The following PLA2G4A variants were observed in gnomAD, a reference collection of about 807,000 sequenced individuals.
PLA2G4A encodes the protein cytosolic phospholipase A2.
PLA2G4A carries 40 observed loss-of-function variants against 81.9 expected under a neutral mutation model. The observed-to-expected ratio is 0.49, with a 90% CI of 0.38 to 0.64. PLA2G4A has a LOEUF of 0.64. Among genes scored for constraint, PLA2G4A ranks in the 30% least tolerant of loss-of-function variants. The pLI, the probability that PLA2G4A is intolerant of heterozygous loss-of-function variation, is 0.00. For synonymous variants in PLA2G4A, 302 were observed against 296.9 expected, an observed-to-expected ratio of 1.02 and a Z score of -0.18; for missense variants, 715 against 905.1, an observed-to-expected ratio of 0.79 and a Z score of 2.69.
intron 7 of PLA2G4A, among the ~76,000 whole-genome samples, chr1:186,930,059 C>A (rs773845914): frequency 7.2e-5 from 11 of 152,052 alleles, no homozygotes; most frequent in Non-Finnish European, 1.6e-4. Context: ...GTGACAGAGA[C>A]TCCAGCTTGG....
chr1:186,973,725 C>A (rs1292216207), intron 15 of PLA2G4A, among the ~76,000 whole-genome samples: 1 of 152,120 alleles, frequency 6.6e-6, no homozygotes, highest in Non-Finnish European at 1.5e-5. Context: ...TATTTTCATG[C>A]CTATTGCATT....
intron 8 of PLA2G4A, among the ~76,000 whole-genome samples, chr1:186,933,844 G>C (rs1041054733): frequency 1.3e-5 from 2 of 152,006 alleles, no homozygotes; most frequent in African/African-American, 2.4e-5. Flanking sequence ...ATAAACTCAG[G>C]CTTTTGATCT....
At chr1:186,922,520 G>A (rs1655389043) in intron 7 of PLA2G4A, among the ~76,000 whole-genome samples, 1 of 152,142 alleles carries the variant, frequency 6.6e-6, no homozygotes, top group African/African-American at 2.4e-5. Flanking sequence ...ATTCCACTGG[G>A]GCAGTTGCCT....
intron 3 of PLA2G4A, among the ~76,000 whole-genome samples, chr1:186,886,647 G>A (rs1383230844): frequency 6.6e-6 from 1 of 152,172 alleles, no homozygotes; most frequent in African/African-American, 2.4e-5. Context: ...AACATTTGAA[G>A]AGCAGTCCAT....
chr1:186,864,145 G>T (rs143780986), intron 2 of PLA2G4A, among the ~76,000 whole-genome samples: 40 of 152,154 alleles, frequency 2.6e-4, no homozygotes, highest in African/African-American at 9.6e-4. Flanking sequence ...TCTTTCTTAT[G>T]GTTGAATAGT....
At chr1:186,931,388 AG>A (rs1318269376) in intron 7 of PLA2G4A, among the ~76,000 whole-genome samples, 1 of 152,106 alleles carries the variant, frequency 6.6e-6, no homozygotes, top group Non-Finnish European at 1.5e-5. Context: ...TTTTGATTTA[AG>A]ACCACTTGTT....
rs138560461 is a variant in PLA2G4A, at chr1:186,890,033, A to T, written c.116-2978A>T. Among the ~76,000 whole-genome samples the T allele has an allele frequency of 7.9e-4, 121 of 152,334 alleles. 4 individuals are homozygous for T. In the East Asian group the frequency reaches 0.019, roughly 25 times the overall value. ...CAGTTCCTGTTACTTTAACACTAAA[A>T]TAAAGTACTTACATTATAGCGCGAT... is the stretch of plus-strand genomic sequence containing the variant. On this transcript the variant is annotated intron_variant, in intron 3 of 17. Coordinates refer to ENST00000367466, the MANE Select transcript of PLA2G4A (RefSeq NM_024420.3).
At chr1:186,830,608 C>CAAAAAA (rs55745208) in intron 1 of PLA2G4A, among the ~76,000 whole-genome samples, 33 of 72,666 alleles carry the variant, frequency 4.5e-4, no homozygotes, top group African/African-American at 1.5e-3. Context: ...AGCTCTGTCT[C>CAAAAAA]AAAAAAAAAA....
At chr1:186,905,329 A>T (rs1569480) in intron 5 of PLA2G4A, among the ~76,000 whole-genome samples, 1 of 151,794 alleles carries the variant, frequency 6.6e-6, no homozygotes, top group African/African-American at 2.4e-5. Context: ...ATCCACTCAC[A>T]ATGGCTTTAC....
intron 7 of PLA2G4A, among the ~76,000 whole-genome samples, chr1:186,931,763 G>A (rs1655755002): frequency 6.6e-6 from 1 of 152,044 alleles, no homozygotes; most frequent in Admixed American, 6.6e-5. Context: ...GCCAATACTG[G>A]AAACACAATG....
At chr1:186,924,122 A>G (rs541627240) in intron 7 of PLA2G4A, among the ~76,000 whole-genome samples, 1 of 152,308 alleles carries the variant, frequency 6.6e-6, no homozygotes, top group South Asian at 2.1e-4. Context: ...ATTTTCCCAG[A>G]TCACTCTCAA....
Position 186,843,904 on chromosome 1 carries a change from G to T in PLA2G4A, c.-69-10382G>T, listed in dbSNP as rs533304966. On this transcript the variant is annotated intron_variant, in intron 1 of 17. Transcript: ENST00000367466. ...TCTCTCTTCTCTGAAACTCTAGTAG[G>T]TATTTCATATATACTTGTCTATGTA... 2.0e-5 allele frequency among the ~76,000 whole-genome samples: 3 copies of T among 152,104 alleles called. No individual in the cohort carries two copies. In the South Asian group the frequency reaches 6.2e-4, roughly 32 times the overall value.
At chr1:186,902,483 C>G (rs1483701869) in intron 5 of PLA2G4A, among the ~76,000 whole-genome samples, 2 of 152,124 alleles carry the variant, frequency 1.3e-5, no homozygotes, top group African/African-American at 4.8e-5. Context: ...GAAACATCGC[C>G]CATTATCTCT....
At chr1:186,835,999 T>G (rs1651763611) in intron 1 of PLA2G4A, among the ~76,000 whole-genome samples, 2 of 152,144 alleles carry the variant, frequency 1.3e-5, no homozygotes, top group South Asian at 4.1e-4. Flanking sequence ...CTTTATTACT[T>G]TCTGTAATGA....
chr1:186,965,832 G>A (rs2102276547), intron 15 of PLA2G4A, among the ~76,000 whole-genome samples: 1 of 152,174 alleles, frequency 6.6e-6, no homozygotes, highest in African/African-American at 2.4e-5. Context: ...TAATACAGTG[G>A]GTCTGAAGTT....
chr1:186,937,520 A>G (rs1461211521), intron 8 of PLA2G4A, among the ~76,000 whole-genome samples: 1 of 151,862 alleles, frequency 6.6e-6, no homozygotes, highest in African/African-American at 2.4e-5. Flanking sequence ...ATGTTGAGGG[A>G]ACTGTTTCAA....
At chr1:186,982,694 T>C (rs1191565240) in intron 17 of PLA2G4A, among the ~76,000 whole-genome samples, 1 of 152,202 alleles carries the variant, frequency 6.6e-6, no homozygotes, top group Non-Finnish European at 1.5e-5. Context: ...CGTGTGTGTG[T>C]GTGTGTGTGT....
Position 186,939,014 on chromosome 1 carries a change from G to A in PLA2G4A, c.702G>A (p.Met234Ile). Residue 234 changes from methionine (M) to isoleucine (I), a missense_variant, in exon 9 of 18, where the codon ATG becomes ATA. Met to Ile is a conservative substitution (Grantham distance 10, BLOSUM62 1). Coordinates refer to ENST00000367466, the MANE Select transcript of PLA2G4A (RefSeq NM_024420.3). ...VAGLSGSTWY[M>I]STLYSHPDFP... Reference sequence around the variant, plus strand: ...TGTTTTGTTTTCTGTATAGGTATATGTCAACCTTGTATTCTCACCCTGATT... The same window carrying A: ...TGTTTTGTTTTCTGTATAGGTATATATCAACCTTGTATTCTCACCCTGATT... 1 of 1,550,814 alleles carries A rather than the reference G, an allele frequency of 6.4e-7. No homozygotes were observed. The highest frequency in any genetic ancestry group is 8.9e-7 in the Non-Finnish European group (1 of 1,122,626).
At chr1:186,879,329 A>G (rs1046835157) in intron 3 of PLA2G4A, among the ~76,000 whole-genome samples, 1 of 152,046 alleles carries the variant, frequency 6.6e-6, no homozygotes, top group Non-Finnish European at 1.5e-5. Context: ...CCCAGTGCGT[A>G]TTCCAGCAAG....
Sources: allele counts gnomAD v4.1 joint callset (sites outside exome capture counted in the v4.1 genomes callset), GRCh38; gene constraint gnomAD v4.1.1; transcripts MANE v1.5; gene names NCBI Gene and HGNC (gene_info 2026-07-23, HGNC 2026-07-21).